CENPP: variants seen among roughly 807,000 people sequenced by gnomAD.
The protein encoded by CENPP is centromere protein P.
Under a neutral mutation model 35.6 loss-of-function variants are expected in CENPP, and 24 were observed. The ratio of observed to expected loss-of-function variants is 0.67; its 90% CI spans 0.49 to 0.95. CENPP has a LOEUF of 0.95. Among genes scored for constraint, CENPP ranks in the 40% least tolerant of loss-of-function variants. CENPP has a pLI of 0.00. For synonymous variants in CENPP, 120 were observed against 125.5 expected, an observed-to-expected ratio of 0.96 and a Z score of 0.29; for missense variants, 332 against 345.3, an observed-to-expected ratio of 0.96 and a Z score of 0.31.
At chr9:92,600,205 T>G in intron 5 of CENPP, 1 of 1,093,314 alleles carries the variant, frequency 9.1e-7, no homozygotes, top group Non-Finnish European at 1.2e-6. Flanking sequence ...ATGTTTAGCT[T>G]GAGGTTCCAT....
intron 5 of CENPP, among the ~76,000 whole-genome samples, chr9:92,574,818 A>G (rs991414201): frequency 1.3e-5 from 2 of 152,354 alleles, no homozygotes; most frequent in East Asian, 3.9e-4. Context: ...TTCAAAACTT[A>G]CTACAAAGCT....
intron 4 of CENPP, among the ~76,000 whole-genome samples, chr9:92,366,574 T>G (rs1841894233): frequency 6.6e-6 from 1 of 152,208 alleles, no homozygotes; most frequent in African/African-American, 2.4e-5. Flanking sequence ...GTAATGAATT[T>G]TATGTGCCAG....
At chr9:92,602,859 C>T (rs141747885) in intron 5 of CENPP, among the ~76,000 whole-genome samples, 208 of 137,470 alleles carry the variant, frequency 1.5e-3, no homozygotes, top group African/African-American at 4.1e-3. Context: ...GGCGCAATTT[C>T]GGCTCACTGC....
In CENPP at chr9:92,332,262, T is replaced by G. The variant is rs747731073; in HGVS notation, c.200T>G (p.Leu67Arg). 1.3e-5 allele frequency: 21 copies of G among 1,613,146 alleles called. No individual in the cohort carries two copies. Among genetic ancestry groups the G allele is most frequent in the Non-Finnish European group, 1.6e-5 (19 of 1,179,604 alleles). Reference protein sequence around the residue: ...KNQLGHLESELSFLSTLTGIN... With the variant: ...KNQLGHLESERSFLSTLTGIN... ...CAGCTTGGACATTTAGAATCAGAACTTTCATTTCTAAGTACGCTTACTGGC... is the reference window on the plus strand; with the variant it reads ...CAGCTTGGACATTTAGAATCAGAACGTTCATTTCTAAGTACGCTTACTGGC... The change falls in exon 2 of 8, where the codon CTT becomes CGT. Residue 67 changes from leucine (L) to arginine (R), a missense_variant. Leu to Arg is a moderately radical substitution (Grantham distance 102, BLOSUM62 -2). Coordinates refer to ENST00000375587, the MANE Select transcript of CENPP (RefSeq NM_001012267.3).
intron 5 of CENPP, among the ~76,000 whole-genome samples, chr9:92,516,508 A>G (rs559245638): frequency 3.2e-4 from 48 of 152,260 alleles, no homozygotes; most frequent in Non-Finnish European, 5.4e-4. Context: ...TCAATTCAGT[A>G]TGTATTATAA....
chr9:92,532,866 C>G (rs1563990824), intron 5 of CENPP, among the ~76,000 whole-genome samples: 3 of 151,962 alleles, frequency 2.0e-5, no homozygotes, highest in Admixed American at 1.3e-4. Flanking sequence ...TCTTCATATA[C>G]CTGATGACCT....
At chr9:92,585,190 G>A (rs1397344053) in intron 5 of CENPP, among the ~76,000 whole-genome samples, 1 of 152,204 alleles carries the variant, frequency 6.6e-6, no homozygotes, top group Non-Finnish European at 1.5e-5. Flanking sequence ...TAGAAGCAAA[G>A]GCTAGAAAGT....
chr9:92,591,419 A>AAAATAAAT (rs376342154), intron 5 of CENPP, among the ~76,000 whole-genome samples: 1 of 151,500 alleles, frequency 6.6e-6, no homozygotes, highest in Non-Finnish European at 1.5e-5. Flanking sequence ...ACTCTGTCTC[A>AAAATAAAT]AAATAAATAA....
intron 5 of CENPP, among the ~76,000 whole-genome samples, chr9:92,394,246 T>C (rs1842800464): frequency 6.6e-6 from 1 of 152,030 alleles, no homozygotes; most frequent in African/African-American, 2.4e-5. Context: ...TTATTTTATT[T>C]ACTTACTTAT....
At chr9:92,546,430 CA>C (rs1849452108) in intron 5 of CENPP, among the ~76,000 whole-genome samples, 1 of 152,200 alleles carries the variant, frequency 6.6e-6, no homozygotes, top group South Asian at 2.1e-4. Flanking sequence ...TGAGCTGTAA[CA>C]CTCATGGGGG....
intron 5 of CENPP, chr9:92,495,840 T>G: frequency 1.0e-6 from 1 of 970,350 alleles, no homozygotes; most frequent in Non-Finnish European, 1.2e-6. Context: ...GCACAGGACC[T>G]TATAAGAAAT....
intron 1 of CENPP, among the ~76,000 whole-genome samples, chr9:92,326,583 T>C (rs1257995928): frequency 1.3e-5 from 2 of 152,198 alleles, no homozygotes; most frequent in African/African-American, 2.4e-5. Context: ...TGCAGGAGAA[T>C]TTGACATTCC....
intron 3 of CENPP, among the ~76,000 whole-genome samples, chr9:92,344,851 C>T (rs1466093352): frequency 1.3e-5 from 2 of 149,926 alleles, no homozygotes; most frequent in African/African-American, 4.9e-5. Flanking sequence ...CCCGGCCAGT[C>T]TTTGCTCATC....
At chr9:92,559,560 C>A (rs1292840318) in intron 5 of CENPP, among the ~76,000 whole-genome samples, 1 of 152,160 alleles carries the variant, frequency 6.6e-6, no homozygotes, top group African/African-American at 2.4e-5. Context: ...TGCAGTCGAT[C>A]TGGAGCTAGA....
At chr9:92,528,378 CAA>C (rs140002571) in intron 5 of CENPP, among the ~76,000 whole-genome samples, 4,864 of 152,160 alleles carry the variant, frequency 0.032, 105 homozygotes, top group South Asian at 0.085. Context: ...CTGAGGACAC[CAA>C]AGAGACTAGT....
At chr9:92,533,009 A>T (rs1290661238) in intron 5 of CENPP, among the ~76,000 whole-genome samples, 1 of 151,978 alleles carries the variant, frequency 6.6e-6, no homozygotes, top group Non-Finnish European at 1.5e-5. Flanking sequence ...ATTAATAATT[A>T]TGCTTTGGGC....
At chr9:92,578,340 G>GT (rs1178396814) in intron 5 of CENPP, among the ~76,000 whole-genome samples, 4 of 152,104 alleles carry the variant, frequency 2.6e-5, no homozygotes, top group African/African-American at 7.2e-5. Context: ...GGGTCTAATG[G>GT]TATTTCTAGT....
chr9:92,612,890 A>T, intron 7 of CENPP, 129 bp from the exon 8 acceptor site: 1 of 1,107,428 alleles, frequency 9.0e-7, no homozygotes, highest in Non-Finnish European at 1.3e-6. Context: ...GCCCGCCACT[A>T]GCATGTCCCA....
intron 5 of CENPP, among the ~76,000 whole-genome samples, chr9:92,431,741 A>G (rs1844114505): frequency 6.6e-6 from 1 of 151,584 alleles, no homozygotes; most frequent in Admixed American, 6.6e-5. Flanking sequence ...CGCCTGGCTA[A>G]TTTTTGTATT....
Sources: allele counts gnomAD v4.1 joint callset (sites outside exome capture counted in the v4.1 genomes callset), GRCh38; gene constraint gnomAD v4.1.1; transcripts MANE v1.5; gene names NCBI Gene and HGNC (gene_info 2026-07-23, HGNC 2026-07-21).